The following RARS1 variants were observed in gnomAD, a reference collection of about 807,000 sequenced individuals.
RARS1 encodes the protein arginyl-tRNA synthetase 1.
In RARS1, 75 loss-of-function variants were observed where a neutral mutation model predicts 78.7. That is an observed-to-expected ratio of 0.95 (90% CI 0.79 to 1.15). The LOEUF is 1.15. RARS1 is among the 50% of genes most tolerant of loss of function. The pLI, the probability that RARS1 is intolerant of heterozygous loss-of-function variation, is 0.00. For synonymous variants in RARS1, 273 were observed against 268.2 expected (o/e 1.02, Z -0.18); for missense variants, 787 against 787.5 (o/e 1.00, Z 0.01).
Position 168,506,729 on chromosome 5 carries a change from A to C in RARS1, c.1244A>C (p.His415Pro). The C allele has an allele frequency of 6.2e-7, 1 of 1,611,012 alleles. No homozygotes were observed. The highest frequency in any genetic ancestry group is 8.5e-7 in the Non-Finnish European group (1 of 1,177,630). The stretch of plus-strand genomic sequence containing the variant: ...TTTCCGTTTCTGTTGTAGTCTGTGC[A>C]CTTCCAGACAATATTTGCTGCTGCT... ...IYVVDNGQSV[H>P]FQTIFAAAQM... Residue 415 changes from histidine to proline, a missense_variant, in exon 11 of 15, where the codon CAC becomes CCC. Coordinates refer to ENST00000231572, the MANE Select transcript of RARS1 (RefSeq NM_002887.4).
In RARS1 at chr5:168,502,380, A is replaced by AT. The variant is rs199969391; in HGVS notation, c.1057+276dup. ...ATAACAAATATATATATATATATATATATATTTTTTTTTTTTAAAACAATC... is the reference window on the plus strand; with the variant it reads ...ATAACAAATATATATATATATATATATTATATTTTTTTTTTTTAAAACAATC... On this transcript the variant is annotated intron_variant, in intron 9 of 14. Transcript: ENST00000231572. 0.044 allele frequency among the ~76,000 whole-genome samples: 4,318 copies of AT among 97,882 alleles called. 84 individuals are homozygous for AT. Among genetic ancestry groups the AT allele is most frequent in the African/African-American group, 0.078 (1,693 of 21,752 alleles). 64.2% of individuals were successfully genotyped at this position (97,882 alleles called of 152,430 possible).
intron 5 of RARS1, chr5:168,494,972 G>A (rs553977707): frequency 1.8e-4 from 58 of 325,714 alleles, no homozygotes; most frequent in African/African-American, 1.2e-3. Context: ...TTATGAAGTA[G>A]CCTTTCCCCT....
intron 1 of RARS1, chr5:168,488,380 G>C (rs1758013106): frequency 6.4e-6 from 3 of 470,126 alleles, no homozygotes; most frequent in Non-Finnish European, 1.1e-5. Flanking sequence ...CACCTGCCTA[G>C]GCCTCCCAAA....
At chr5:168,498,489 G>T (rs1244902623) in intron 7 of RARS1, among the ~76,000 whole-genome samples, 1 of 151,968 alleles carries the variant, frequency 6.6e-6, no homozygotes, top group African/African-American at 2.4e-5. Flanking sequence ...AATCATTTAT[G>T]ATTTTAATAT....
chr5:168,489,697 A>G (rs1434793819), intron 2 of RARS1, among the ~76,000 whole-genome samples: 3 of 151,988 alleles, frequency 2.0e-5, no homozygotes, highest in Non-Finnish European at 4.4e-5. Context: ...TCCTGTGTGT[A>G]TATATTACTG....
Position 168,510,592 on chromosome 5 carries a change from A to G in RARS1, c.1358A>G (p.Lys453Arg). The G allele has an allele frequency of 6.2e-7, 1 of 1,607,294 alleles. No individual in the cohort carries two copies. Residue 453 changes from lysine (K) to arginine (R), a missense_variant, in exon 12 of 15, where the codon AAA (lysine) becomes AGA (arginine). Lys to Arg is a conservative substitution (Grantham distance 26, BLOSUM62 2). Transcript: ENST00000231572. ...TTTACATTTTTTAGGAAAAAGTTTA[A>G]AACACGTTCGGGTGAAACAGTGCGC... ...VVLGEDKKKF[K>R]TRSGETVRLM...
intron 2 of RARS1, among the ~76,000 whole-genome samples, chr5:168,492,052 A>C (rs1323790385): frequency 6.7e-6 from 1 of 149,546 alleles, no homozygotes. Flanking sequence ...GTGTGCATCC[A>C]GCAGTCTAGT....
At position 168,517,867 on chromosome 5, in the gene RARS1, C is replaced by G; in HGVS notation, c.1678C>G (p.Arg560Gly). ...IDEEMLQKAARETKILLDHEK... is the reference protein window; with the variant it reads ...IDEEMLQKAAGETKILLDHEK... ...TGAAGAAATGCTCCAAAAAGCTGCT[C>G]GAGAAACCAAGATTCTTTTGGATCA... The change falls in exon 14 of 15, where the codon CGA (arginine) becomes GGA (glycine). Residue 560 changes from arginine to glycine, a missense_variant. Transcript: ENST00000231572. 2 of 1,613,430 alleles carry G rather than the reference C, an allele frequency of 1.2e-6. No individual in the cohort carries two copies. Among genetic ancestry groups the G allele is most frequent in the Non-Finnish European group, 1.7e-6 (2 of 1,179,906 alleles).
intron 12 of RARS1, among the ~76,000 whole-genome samples, chr5:168,513,741 C>T (rs1038377926): frequency 3.3e-5 from 5 of 152,004 alleles, no homozygotes; most frequent in East Asian, 2.0e-4. Flanking sequence ...TCAGTACTTA[C>T]ATTTATCTAT....
Position 168,511,468 on chromosome 5 carries a change from A to G in RARS1, c.1452+782A>G, listed in dbSNP as rs139680675. On this transcript the variant is annotated intron_variant, in intron 12 of 14. Coordinates refer to ENST00000231572, the MANE Select transcript of RARS1 (RefSeq NM_002887.4). ...CACTCTTAAATGACCAGATCTCACA[A>G]CAACTCACTATCACCAAGACAGCAC... 3.0e-3 allele frequency among the ~76,000 whole-genome samples: 463 copies of G among 152,152 alleles called. 3 individuals carry two copies. Among genetic ancestry groups the G allele is most frequent in the Non-Finnish European group, 5.6e-3 (382 of 67,986 alleles).
intron 12 of RARS1, 81 bp from the exon 13 acceptor site, chr5:168,516,697 A>G: frequency 7.3e-7 from 1 of 1,366,186 alleles, no homozygotes; most frequent in Non-Finnish European, 1.0e-6. Flanking sequence ...GATGTTCCCT[A>G]CCCCAGTCTT....
chr5:168,506,028 G>T lies in RARS1; in HGVS notation c.1065G>T (p.Val355=). 1 of 1,600,178 alleles carries T rather than the reference G, an allele frequency of 6.2e-7. No homozygotes were observed. Among genetic ancestry groups the T allele is most frequent in the Non-Finnish European group, 8.5e-7 (1 of 1,175,282 alleles). The change falls in exon 10 of 15, where the codon GTG becomes GTT. Residue 355 remains valine, a synonymous_variant. Coordinates refer to ENST00000231572, the MANE Select transcript of RARS1 (RefSeq NM_002887.4). ...IVKEFEDRGF[V]QVDDGRKIVF... is the part of the protein sequence containing the mutation. Reference sequence around the variant, plus strand: ...GTGTTTTTTACCCCCTAGGATTTGTGCAGGTGGATGATGGCAGAAAGATTG... The same window carrying T: ...GTGTTTTTTACCCCCTAGGATTTGTTCAGGTGGATGATGGCAGAAAGATTG...
At chr5:168,512,384 C>T (rs1481065707) in intron 12 of RARS1, among the ~76,000 whole-genome samples, 2 of 152,084 alleles carry the variant, frequency 1.3e-5, no homozygotes, top group African/African-American at 4.8e-5. Flanking sequence ...TTACGCTTAA[C>T]TTTATTAAAA....
At position 168,517,537 on chromosome 5, in the gene RARS1, C is replaced by T. The variant is rs17552419; in HGVS notation, c.1626-278C>T. 0.14 allele frequency among the ~76,000 whole-genome samples: 20,992 copies of T among 152,126 alleles called. 1,751 individuals are homozygous for T. Among genetic ancestry groups the T allele is most frequent in the Non-Finnish European group, 0.19 (13,018 of 67,948 alleles). Reference sequence around the variant, plus strand: ...GCAAGTTATCCCAGAATCCCTAAACCTGGCCTTAACTGCACTTGCCGATAC... The same window carrying T: ...GCAAGTTATCCCAGAATCCCTAAACTTGGCCTTAACTGCACTTGCCGATAC... On this transcript the variant is annotated intron_variant, in intron 13 of 14. Transcript: ENST00000231572.
chr5:168,495,497 T>C, intron 6 of RARS1, 61 bp downstream of exon 6: 1 of 1,566,390 alleles, frequency 6.4e-7, no homozygotes. Flanking sequence ...GAAAATTCTA[T>C]AGAACATGGA....
rs772557139 is a variant in RARS1 at position 168,502,115 on chromosome 5, CTTCTT to C, written c.1057+13_1057+17del. The C allele has an allele frequency of 3.2e-6, 5 of 1,573,186 alleles. No homozygotes were observed. Among genetic ancestry groups the C allele is most frequent in the East Asian group, 4.5e-5 (2 of 44,106 alleles). On this transcript the variant is annotated intron_variant, in intron 9 of 14. Transcript: ENST00000231572. ...GAATTTGAAGATAGAGGTAGGCACTCTTCTTTTAACTTTTTATTATGGAAATTTTC... is the reference window on the plus strand; with the variant it reads ...GAATTTGAAGATAGAGGTAGGCACTCTTAACTTTTTATTATGGAAATTTTC...
intron 8 of RARS1, among the ~76,000 whole-genome samples, chr5:168,501,547 AC>A (rs964799895): frequency 6.2e-4 from 94 of 152,212 alleles, no homozygotes; most frequent in African/African-American, 2.2e-3. Context: ...ACATGGTGAA[AC>A]CCCATCTCTA....
At chr5:168,494,307 A>G (rs2152903857) in intron 4 of RARS1, 1 of 985,436 alleles carries the variant, frequency 1.0e-6, no homozygotes, top group East Asian at 1.1e-4. Flanking sequence ...TAAGAGGCGA[A>G]CAGATTGTTT....
rs746486190 is a variant in RARS1 at position 168,502,034 on chromosome 5, C to A, written c.986C>A (p.Ser329Tyr). ...AAAATCTATGATGCATTGGACGTCT[C>A]TTTAATAGAGAGAGGGGAATCCTTC... Reference protein sequence around the residue: ...LNKIYDALDVSLIERGESFYQ... With the variant: ...LNKIYDALDVYLIERGESFYQ... The change falls in exon 9 of 15, where the codon TCT becomes TAT. Residue 329 changes from serine to tyrosine, a missense_variant. Physicochemically the swap from Ser to Tyr is moderately radical, Grantham distance 144 (BLOSUM62 -2). Transcript: ENST00000231572. 2 of 1,600,702 alleles carry A rather than the reference C, an allele frequency of 1.2e-6. No individual in the cohort carries two copies.
Sources: gnomAD v4.1 joint callset for allele counts (sites outside exome capture counted in the v4.1 genomes callset) on GRCh38, gnomAD v4.1.1 for gene constraint, MANE v1.5 for transcripts, NCBI Gene and HGNC (gene_info 2026-07-23, HGNC 2026-07-21) for gene names.